Variants in UQCRH observed in about 807,000 individuals in gnomAD.
UQCRH encodes the protein cytochrome b-c1 complex subunit 6, mitochondrial.
A neutral mutation model predicts 16.3 loss-of-function variants in UQCRH; 14 were observed. The ratio of observed to expected loss-of-function variants is 0.86; its 90% CI spans 0.57 to 1.34. The LOEUF is 1.34. Among genes scored for constraint, UQCRH ranks in the 40% most tolerant of loss-of-function variants. UQCRH has a pLI of 0.00. For synonymous variants in UQCRH, 41 were observed against 41.9 expected (o/e 0.98, Z 0.08); for missense variants, 89 against 111.9 (o/e 0.80, Z 0.92).
At chr1:46,314,315 G>T (rs1661537683) in intron 3 of UQCRH, among the ~76,000 whole-genome samples, 1 of 146,226 alleles carries the variant, frequency 6.8e-6, no homozygotes, top group African/African-American at 2.5e-5. Flanking sequence ...GCAGTGAGCT[G>T]AGATCACGCC....
chr1:46,305,920 C>T (rs1569681615), intron 1 of UQCRH, among the ~76,000 whole-genome samples: 3 of 151,740 alleles, frequency 2.0e-5, no homozygotes, highest in Admixed American at 2.0e-4. Flanking sequence ...TCTCTTTTGC[C>T]TCAGCCTCCT....
chr1:46,313,362 C>A (rs1661516491), intron 3 of UQCRH, among the ~76,000 whole-genome samples: 1 of 152,148 alleles, frequency 6.6e-6, no homozygotes, highest in South Asian at 2.1e-4. Flanking sequence ...GGCGCGGTGG[C>A]TCACGCCTGT....
chr1:46,316,595 T>C lies in UQCRH; in HGVS notation c.*11T>C. 1.2e-6 allele frequency: 2 copies of C among 1,612,590 alleles called. No individual in the cohort carries two copies. The highest frequency in any genetic ancestry group is 8.5e-7 in the Non-Finnish European group (1 of 1,179,778). ...AACAACTTGAAATAAATGTGTGGAC[T>C]TAATTCACCCCAGTCTTCATCATCT... On this transcript the variant is annotated 3_prime_UTR_variant, in exon 4 of 4. Transcript: ENST00000311672.
intron 3 of UQCRH, among the ~76,000 whole-genome samples, chr1:46,311,326 CGG>C (rs1661469546): frequency 1.0e-4 from 1 of 10,016 alleles, no homozygotes; most frequent in African/African-American, 3.0e-4. Context: ...CTTTGGGAGG[CGG>C]AGGCGGAGGC....
chr1:46,311,610 T>G (rs1256856044), intron 3 of UQCRH, among the ~76,000 whole-genome samples: 1 of 151,712 alleles, frequency 6.6e-6, no homozygotes, highest in Non-Finnish European at 1.5e-5. Context: ...CTTTTTTTTT[T>G]GAGACGGAGT....
At chr1:46,312,016 A>C (rs1350587164) in intron 3 of UQCRH, among the ~76,000 whole-genome samples, 2 of 148,500 alleles carry the variant, frequency 1.3e-5, no homozygotes, top group Non-Finnish European at 3.0e-5. Flanking sequence ...TACAGCCTCT[A>C]CCTCCTGGTT....
intron 3 of UQCRH, among the ~76,000 whole-genome samples, chr1:46,315,527 G>A (rs1661567795): frequency 6.7e-6 from 1 of 150,262 alleles, no homozygotes; most frequent in Non-Finnish European, 1.5e-5. Flanking sequence ...CCGGGAGGCG[G>A]AGGTTGCAGT....
intron 1 of UQCRH, 120 bp downstream of exon 1, chr1:46,303,940 G>A: frequency 7.6e-7 from 1 of 1,324,096 alleles, no homozygotes; most frequent in Non-Finnish European, 1.1e-6. Context: ...GCATAGTCGG[G>A]AGCTCTAGTT....
intron 2 of UQCRH, chr1:46,309,687 A>AT: frequency 4.6e-6 from 1 of 218,448 alleles, no homozygotes; most frequent in Non-Finnish European, 8.3e-6. Flanking sequence ...AAAAAAAAAA[A>AT]GAACTCTGAA....
At chr1:46,306,413 G>C (rs1368620627) in intron 1 of UQCRH, among the ~76,000 whole-genome samples, 1 of 128,908 alleles carries the variant, frequency 7.8e-6, no homozygotes, top group Admixed American at 9.5e-5. Flanking sequence ...ACGGAGTCTC[G>C]CTCTTGCCTG....
chr1:46,314,617 G>A (rs907976359), intron 3 of UQCRH, among the ~76,000 whole-genome samples: 1 of 150,592 alleles, frequency 6.6e-6, no homozygotes, highest in African/African-American at 2.4e-5. Context: ...AGGCTGCGGT[G>A]AGCCAAAGTT....
rs573675432 is a variant in UQCRH at position 46,309,467 on chromosome 1, G to A, written c.81+340G>A. On this transcript the variant is annotated intron_variant, in intron 2 of 3. Coordinates refer to ENST00000311672, the MANE Select transcript of UQCRH (RefSeq NM_006004.4). ...AGCACTTTGGGAGGCCAAGGCAGGC[G>A]GATTACCAGCCTGAACAACGTAGAG... 2.6e-4 allele frequency: 69 copies of A among 264,474 alleles called. No individual in the cohort carries two copies. In the Admixed American group the frequency reaches 3.0e-3, roughly 11 times the overall value. The allele number at this position is 264,474 out of a possible 1,614,324, so 16.4% of individuals were successfully genotyped here.
rs181971906 is a variant in UQCRH, at chr1:46,310,303, C to A, written c.230C>A (p.Ala77Glu). The change falls in exon 3 of 4, where the codon GCG (alanine) becomes GAG (glutamate). Residue 77 changes from alanine to glutamate, a missense_variant. By Grantham distance (107) the Ala-to-Glu change is moderately radical. Transcript: ENST00000311672. ...GAGGAGCTCTTTGACTTCTTGCATG[C>A]GAGGGACCATTGCGTAAGTCAGTGG... The part of the protein sequence containing the change: ...CTEELFDFLH[A>E]RDHCVAHKLF... The A allele has an allele frequency of 2.5e-5, 41 of 1,614,012 alleles. No homozygotes were observed. The East Asian group carries it at 8.2e-4, about 32-fold the overall frequency.
intron 3 of UQCRH, among the ~76,000 whole-genome samples, chr1:46,310,805 T>C (rs989351662): frequency 7.9e-5 from 12 of 151,208 alleles, no homozygotes; most frequent in Admixed American, 2.0e-4. Flanking sequence ...CGGTGGCTCA[T>C]GCCTGTAATC....
Position 46,303,756 on chromosome 1 carries a change from C to T in UQCRH, c.-11C>T. 21 of 1,614,148 alleles carry T rather than the reference C, an allele frequency of 1.3e-5. No individual in the cohort carries two copies. Among genetic ancestry groups the T allele is most frequent in the Non-Finnish European group, 1.6e-5 (19 of 1,179,998 alleles). ...TTGCTGCTCGTGTTGAATCTAGAAC[C>T]GTAGCCAGACATGGGACTGGAGGAC... On this transcript the variant is annotated 5_prime_UTR_variant, in exon 1 of 4. Coordinates refer to ENST00000311672, the MANE Select transcript of UQCRH (RefSeq NM_006004.4).
chr1:46,305,284 GTGA>G (rs1661346620), intron 1 of UQCRH, among the ~76,000 whole-genome samples: 3 of 127,790 alleles, frequency 2.3e-5, no homozygotes, highest in Non-Finnish European at 4.8e-5. Flanking sequence ...GGCAACCCGA[GTGA>G]GACCCTGTCT....
chr1:46,313,493 G>C (rs1183284684), intron 3 of UQCRH, among the ~76,000 whole-genome samples: 1 of 152,192 alleles, frequency 6.6e-6, no homozygotes, highest in Non-Finnish European at 1.5e-5. Flanking sequence ...GCCGGGCGTG[G>C]TGGCGGGCGC....
chr1:46,314,438 A>G, intron 3 of UQCRH, among the ~76,000 whole-genome samples: 1 of 151,900 alleles, frequency 6.6e-6, no homozygotes, highest in East Asian at 1.9e-4. Context: ...TGGGAGGCCG[A>G]GGCAAGTGGA....
chr1:46,307,891 G>C (rs1661403918), intron 1 of UQCRH, among the ~76,000 whole-genome samples: 6 of 152,174 alleles, frequency 3.9e-5, no homozygotes, highest in Admixed American at 3.9e-4. Flanking sequence ...CTCCTAACTT[G>C]GTTTGGGATG....
Sources: gnomAD v4.1 joint callset for allele counts (sites outside exome capture counted in the v4.1 genomes callset) on GRCh38, gnomAD v4.1.1 for gene constraint, MANE v1.5 for transcripts, NCBI Gene and HGNC (gene_info 2026-07-23, HGNC 2026-07-21) for gene names.